TMPRSS11B: variants seen among roughly 807,000 people sequenced by gnomAD.
TMPRSS11B encodes transmembrane protease serine 11B.
In TMPRSS11B, 53 loss-of-function variants were observed where a neutral mutation model predicts 44.7. The observed-to-expected ratio is 1.19, with a 90% confidence interval of 0.95 to 1.49. TMPRSS11B has a LOEUF of 1.49. Among genes scored for constraint, TMPRSS11B ranks in the 40% most tolerant of loss-of-function variants. The pLI is 0.00. For missense variants in TMPRSS11B, 526 were observed against 494.8 expected (o/e 1.06, Z -0.60); for synonymous variants, 140 against 159.2 (o/e 0.88, Z 0.91).
rs142315692 is a variant in TMPRSS11B at position 68,230,155 on chromosome 4, C to T, written c.687-639G>A. ...TGTATATGACCCATATTTTCTTTAT[C>T]CAGTTCACCGTTGCTGGGCATCTAG... is the stretch of plus-strand genomic sequence containing the variant. On this transcript the variant is annotated intron_variant, in intron 7 of 9. Coordinates refer to ENST00000332644, the MANE Select transcript of TMPRSS11B (RefSeq NM_182502.3). Among the ~76,000 whole-genome samples, 29 of 152,210 alleles carry T rather than the reference C, an allele frequency of 1.9e-4. No individual in the cohort carries two copies. The East Asian group carries it at 5.2e-3, about 27-fold the overall frequency.
rs557281699 is a variant in TMPRSS11B at position 68,240,678 on chromosome 4, G to A, written c.124+1011C>T. On this transcript the variant is annotated intron_variant, in intron 2 of 9. Transcript: ENST00000332644. ...AATGAGTAGAGGGAAAGAGAGGACAGAAAGAGATTATGAACATTTCATGGA... is the reference window on the plus strand; with the variant it reads ...AATGAGTAGAGGGAAAGAGAGGACAAAAAGAGATTATGAACATTTCATGGA... Among the ~76,000 whole-genome samples, 272 of 152,164 alleles carry A rather than the reference G, an allele frequency of 1.8e-3. 1 individual carries two copies. Among genetic ancestry groups the A allele is most frequent in the African/African-American group, 5.9e-3 (247 of 41,536 alleles).
Position 68,227,898 on chromosome 4 carries a change from A to G in TMPRSS11B, c.*13T>C, listed in dbSNP as rs1021570190. On this transcript the variant is annotated 3_prime_UTR_variant, in exon 10 of 10. Transcript: ENST00000332644. ...CAGTGGTCTTTATGTTCCTTTGTAT[A>G]ATTCCTTTTTTTTCAGAGTCCAGTC... The G allele has an allele frequency of 2.6e-5, 41 of 1,594,692 alleles. No homozygotes were observed. The Admixed American group carries it at 7.2e-4, about 28-fold the overall frequency.
At chr4:68,236,928 AT>A (rs1719686987) in intron 2 of TMPRSS11B, among the ~76,000 whole-genome samples, 1 of 148,724 alleles carries the variant, frequency 6.7e-6, no homozygotes, top group Non-Finnish European at 1.5e-5. Context: ...TATTATTATT[AT>A]TATTATTATT....
rs569819332 is a variant in TMPRSS11B at position 68,235,719 on chromosome 4, A to C, written c.308+283T>G. On this transcript the variant is annotated intron_variant, in intron 4 of 9. Coordinates refer to ENST00000332644, the MANE Select transcript of TMPRSS11B (RefSeq NM_182502.3). ...CAGTTAGGACTGACCACCACCAATA[A>C]CCTTATAATTCTTTTGCAGGTATAA... Among the ~76,000 whole-genome samples, 4 of 151,970 alleles carry C rather than the reference A, an allele frequency of 2.6e-5. No homozygotes were observed. In the South Asian group the frequency reaches 8.3e-4, roughly 31 times the overall value.
In TMPRSS11B at chr4:68,231,315, G is replaced by A. The variant is rs780334446; in HGVS notation, c.574C>T (p.Leu192=). Reference sequence around the variant, plus strand: ...GCCTGCCATGGCCATGCCCCCTCCAGGGAGCTTTTTCCATTCACAATTTTG... The same window carrying A: ...GCCTGCCATGGCCATGCCCCCTCCAAGGAGCTTTTTCCATTCACAATTTTG... The part of the protein sequence containing the change: ...GNKIVNGKSS[L]EGAWPWQASM... Residue 192 remains leucine, a synonymous_variant, in exon 7 of 10, where the codon CTG becomes TTG. Coordinates refer to ENST00000332644, the MANE Select transcript of TMPRSS11B (RefSeq NM_182502.3). 93 of 1,613,690 alleles carry A rather than the reference G, an allele frequency of 5.8e-5. No homozygotes were observed. Among genetic ancestry groups the A allele is most frequent in the Non-Finnish European group, 7.8e-5 (92 of 1,179,862 alleles).
intron 2 of TMPRSS11B, among the ~76,000 whole-genome samples, chr4:68,236,630 C>T (rs1719675858): frequency 1.3e-5 from 2 of 152,116 alleles, no homozygotes; most frequent in Non-Finnish European, 2.9e-5. Flanking sequence ...CCTGCTAAGT[C>T]CAGATATACC....
At chr4:68,238,305 G>T (rs1232487734) in intron 2 of TMPRSS11B, among the ~76,000 whole-genome samples, 1 of 151,886 alleles carries the variant, frequency 6.6e-6, no homozygotes, top group Non-Finnish European at 1.5e-5. Flanking sequence ...GCCAAAGTCT[G>T]TCTGAGAAGT....
intron 6 of TMPRSS11B, 93 bp from the exon 7 acceptor site, chr4:68,231,473 G>C: frequency 8.6e-7 from 1 of 1,165,394 alleles, no homozygotes; most frequent in Non-Finnish European, 1.2e-6. Context: ...ACCTTTCAGT[G>C]ATTATTCAAC....
intron 4 of TMPRSS11B, 135 bp downstream of exon 4, chr4:68,235,867 C>T (rs1719647893): frequency 4.1e-6 from 2 of 484,538 alleles, no homozygotes; most frequent in Admixed American, 8.0e-5. Flanking sequence ...TTCGTTCCTT[C>T]CTTTCTTTCT....
Position 68,227,971 on chromosome 4 carries a change from T to C in TMPRSS11B, c.1191A>G (p.Pro397=). 1.2e-6 allele frequency: 2 copies of C among 1,613,892 alleles called. No homozygotes were observed. Among genetic ancestry groups the C allele is most frequent in the Non-Finnish European group, 1.7e-6 (2 of 1,179,940 alleles). Residue 397 remains proline (P), a synonymous_variant, in exon 10 of 10, where the codon CCA becomes CCG. Coordinates refer to ENST00000332644, the MANE Select transcript of TMPRSS11B (RefSeq NM_182502.3). ...WGDGCGKKNK[P]GVYTRVTSYR... ...AAGAAGTCACTCGAGTATAGACACC[T>C]GGCTTATTCTTTTTACCACATCCAT... is the stretch of plus-strand genomic sequence containing the variant.
intron 9 of TMPRSS11B, 22 bp from the exon 10 acceptor site, chr4:68,228,094 AT>A (rs776508973): frequency 1.3e-6 from 2 of 1,578,792 alleles, no homozygotes; most frequent in Non-Finnish European, 1.7e-6. Context: ...AAAGAAAAAA[AT>A]GTTTCTTGTC....
At chr4:68,245,482 A>G in intron 1 of TMPRSS11B, 69 bp downstream of exon 1, 1 of 1,537,272 alleles carries the variant, frequency 6.5e-7, no homozygotes, top group South Asian at 1.1e-5. Flanking sequence ...TTAACAAAAA[A>G]CTAGAACATA....
Position 68,234,594 on chromosome 4 carries a change from A to T in TMPRSS11B, c.338T>A (p.Leu113Ter), listed in dbSNP as rs776576129. Residue 113 changes from leucine to a stop codon, truncating the protein, a stop_gained, in exon 5 of 10, where the codon TTA (leucine) becomes TAA (stop). Transcript: ENST00000332644. LOFTEE classifies it high-confidence loss of function. ...TGGAGGAAACTTGAATTTCAGCTGTAACTGCACATTTGAACCATTGGCATT... is the reference window on the plus strand; with the variant it reads ...TGGAGGAAACTTGAATTTCAGCTGTTACTGCACATTTGAACCATTGGCATT... Reference protein sequence around the residue: ...LPNANGSNVQLQLKFKFPPAE... With the variant: ...LPNANGSNVQ The T allele has an allele frequency of 6.2e-7, 1 of 1,613,962 alleles. No individual in the cohort carries two copies. Among genetic ancestry groups the T allele is most frequent in the East Asian group, 2.2e-5 (1 of 44,826 alleles).
intron 7 of TMPRSS11B, 92 bp downstream of exon 7, chr4:68,231,111 G>T: frequency 3.6e-6 from 4 of 1,103,194 alleles, no homozygotes; most frequent in Non-Finnish European, 4.9e-6. Flanking sequence ...ATATGGCCTT[G>T]GTGAACCTTG....
intron 1 of TMPRSS11B, among the ~76,000 whole-genome samples, chr4:68,242,223 T>C (rs1560445344): frequency 3.5e-5 from 3 of 86,050 alleles, no homozygotes; most frequent in African/African-American, 1.2e-4. Flanking sequence ...TATAATATTA[T>C]ATTATATTAT....
At chr4:68,240,214 G>A (rs567517677) in intron 2 of TMPRSS11B, among the ~76,000 whole-genome samples, 1 of 151,896 alleles carries the variant, frequency 6.6e-6, no homozygotes, top group Non-Finnish European at 1.5e-5. Context: ...CTGTTATCCA[G>A]CTTAAGTTAT....
intron 5 of TMPRSS11B, 45 bp downstream of exon 5, chr4:68,234,417 CA>C: frequency 6.6e-7 from 1 of 1,524,680 alleles, no homozygotes; most frequent in Non-Finnish European, 8.8e-7. Context: ...AAAAATAATC[CA>C]GAAAAAACCT....
intron 8 of TMPRSS11B, 52 bp downstream of exon 8, chr4:68,229,202 GATT>G: frequency 5.3e-6 from 7 of 1,323,522 alleles, no homozygotes; most frequent in Non-Finnish European, 7.1e-6. Context: ...TTGATTGATT[GATT>G]GATTAAATAG....
At chr4:68,245,287 C>A (rs578122837) in intron 1 of TMPRSS11B, among the ~76,000 whole-genome samples, 1 of 152,104 alleles carries the variant, frequency 6.6e-6, no homozygotes, top group African/African-American at 2.4e-5. Context: ...GCCTCATTTC[C>A]TTAAGATTTC....
Sources: gnomAD v4.1 joint callset for allele counts (sites outside exome capture counted in the v4.1 genomes callset) on GRCh38, gnomAD v4.1.1 for gene constraint, MANE v1.5 for transcripts, NCBI Gene and HGNC (gene_info 2026-07-23, HGNC 2026-07-21) for gene names.